The following PRKAG2 variants were observed in gnomAD, a reference collection of about 807,000 sequenced individuals.
PRKAG2 encodes protein kinase AMP-activated non-catalytic subunit gamma 2, also known as 5'-AMP-activated protein kinase subunit gamma-2.
PRKAG2 carries 26 observed loss-of-function variants against 69.6 expected under a neutral mutation model. The ratio of observed to expected loss-of-function variants is 0.37; its 90% CI spans 0.27 to 0.52. The LOEUF (loss-of-function observed/expected upper bound fraction) is 0.52, where lower values mean the gene tolerates loss of function less well. Ranked by LOEUF, PRKAG2 falls within the 20% of genes least tolerant of loss-of-function variation. The pLI, the probability that PRKAG2 is intolerant of heterozygous loss-of-function variation, is 0.90. For synonymous variants in PRKAG2, 293 were observed against 285.0 expected (o/e 1.03, Z -0.28); for missense variants, 557 against 740.0 (o/e 0.75, Z 2.87).
chr7:151,631,463 T>TTATTTACC (rs2151321032), intron 5 of PRKAG2, among the ~76,000 whole-genome samples: 1 of 152,110 alleles, frequency 6.6e-6, no homozygotes, highest in African/African-American at 2.4e-5. Flanking sequence ...AAGATCCAAG[T>TTATTTACC]TATTTACCTG....
At chr7:151,639,660 C>G (rs1213491124) in intron 4 of PRKAG2, among the ~76,000 whole-genome samples, 1 of 152,252 alleles carries the variant, frequency 6.6e-6, no homozygotes, top group Non-Finnish European at 1.5e-5. Flanking sequence ...TGCCTTGACA[C>G]TGGGACTTAA....
chr7:151,600,088 CT>C (rs1815679657), intron 5 of PRKAG2, among the ~76,000 whole-genome samples: 1 of 152,150 alleles, frequency 6.6e-6, no homozygotes, highest in African/African-American at 2.4e-5. Flanking sequence ...TGAATTTGAA[CT>C]TGAAGCCTCT....
chr7:151,753,716 C>T (rs2074869129), intron 3 of PRKAG2, among the ~76,000 whole-genome samples: 1 of 152,024 alleles, frequency 6.6e-6, no homozygotes, highest in African/African-American at 2.4e-5. Flanking sequence ...CTCGCCCAGC[C>T]CTAAAGTGTT....
chr7:151,635,012 C>T (rs1160292453), intron 4 of PRKAG2, among the ~76,000 whole-genome samples: 4 of 150,968 alleles, frequency 2.6e-5, no homozygotes, highest in Admixed American at 6.6e-5. Flanking sequence ...CGCAGTGGAC[C>T]TATCTCAACT....
At chr7:151,705,537 C>A (rs912607257) in intron 3 of PRKAG2, among the ~76,000 whole-genome samples, 1 of 152,130 alleles carries the variant, frequency 6.6e-6, no homozygotes, top group Non-Finnish European at 1.5e-5. Flanking sequence ...GACAGACACT[C>A]CTTAGGGAGA....
chr7:151,833,306 T>G (rs1017546184), intron 1 of PRKAG2, among the ~76,000 whole-genome samples: 1 of 152,156 alleles, frequency 6.6e-6, no homozygotes, highest in African/African-American at 2.4e-5. Context: ...GCAAAGGCCC[T>G]GAGGCAGGGC....
intron 3 of PRKAG2, among the ~76,000 whole-genome samples, chr7:151,754,626 G>A (rs2074943941): frequency 6.6e-6 from 1 of 152,202 alleles, no homozygotes. Flanking sequence ...CAGACCCAGG[G>A]CCCTTTGTAC....
In PRKAG2 at chr7:151,614,437, G is replaced by GA. The variant is rs1038570814; in HGVS notation, c.754+17631dup. ...CACACAGGGGCTCACACAGGAGGCTGAAAAAATCAGGGCTGCGTGGACGCT... is the reference window on the plus strand; with the variant it reads ...CACACAGGGGCTCACACAGGAGGCTGAAAAAAATCAGGGCTGCGTGGACGCT... On this transcript the variant is annotated intron_variant, in intron 5 of 15. Coordinates refer to ENST00000287878, the MANE Select transcript of PRKAG2 (RefSeq NM_016203.4). The surrounding 1 kb of genome is among the most constrained non-coding windows in gnomAD (Gnocchi z 4.4). Among the ~76,000 whole-genome samples the GA allele has an allele frequency of 2.0e-5, 3 of 152,144 alleles. No homozygotes were observed. Among genetic ancestry groups the GA allele is most frequent in the Admixed American group, 1.3e-4 (2 of 15,278 alleles).
Position 151,594,591 on chromosome 7 carries a change from C to A in PRKAG2, c.864+754G>T, listed in dbSNP as rs182716636. ...GATTGCCCATTTTTGTGATTTTCTTCTTTTTTACCAATATTATTTCAAATT... is the reference window on the plus strand; with the variant it reads ...GATTGCCCATTTTTGTGATTTTCTTATTTTTTACCAATATTATTTCAAATT... On this transcript the variant is annotated intron_variant, in intron 6 of 15. Coordinates refer to ENST00000287878, the MANE Select transcript of PRKAG2 (RefSeq NM_016203.4). Among the ~76,000 whole-genome samples the A allele has an allele frequency of 2.3e-3, 348 of 152,222 alleles. 2 individuals carry two copies. Among genetic ancestry groups the A allele is most frequent in the African/African-American group, 7.9e-3 (327 of 41,542 alleles).
At chr7:151,674,267 T>C (rs1205871462) in intron 4 of PRKAG2, among the ~76,000 whole-genome samples, 1 of 152,174 alleles carries the variant, frequency 6.6e-6, no homozygotes, top group Non-Finnish European at 1.5e-5. Context: ...AAGGAAGAAC[T>C]CTCCCTAGAG....
intron 1 of PRKAG2, among the ~76,000 whole-genome samples, chr7:151,794,728 C>G (rs369392458): frequency 2.6e-5 from 4 of 152,242 alleles, no homozygotes; most frequent in Admixed American, 2.0e-4. Flanking sequence ...TGTCTTTATC[C>G]CGTTCCCAAG....
intron 3 of PRKAG2, among the ~76,000 whole-genome samples, chr7:151,768,138 G>A (rs2075835303): frequency 6.6e-6 from 1 of 152,182 alleles, no homozygotes; most frequent in Non-Finnish European, 1.5e-5. Flanking sequence ...GTTCTAGAAA[G>A]GAACTATATG....
intron 4 of PRKAG2, among the ~76,000 whole-genome samples, chr7:151,640,451 C>G (rs915124112): frequency 4.6e-5 from 7 of 152,160 alleles, no homozygotes; most frequent in African/African-American, 1.4e-4. Flanking sequence ...CTTGCCATGT[C>G]CCTCTGTGTA....
chr7:151,815,411 C>T (rs1329381480), intron 1 of PRKAG2, among the ~76,000 whole-genome samples: 1 of 152,122 alleles, frequency 6.6e-6, no homozygotes, highest in Non-Finnish European at 1.5e-5. Context: ...CAGACCCTTC[C>T]CCTCCTCACC....
chr7:151,634,358 T>C (rs907544731), intron 4 of PRKAG2, among the ~76,000 whole-genome samples: 42 of 152,176 alleles, frequency 2.8e-4, no homozygotes, highest in African/African-American at 7.7e-4. Context: ...AACTTAAAAC[T>C]ATGAAACTTT....
At chr7:151,561,195 G>T (rs1804871786) in intron 14 of PRKAG2, among the ~76,000 whole-genome samples, 2 of 152,168 alleles carry the variant, frequency 1.3e-5, no homozygotes, top group African/African-American at 4.8e-5. Flanking sequence ...TAAGAAAAAT[G>T]AGCTAGCTAT....
At chr7:151,811,415 G>A (rs1033261867) in intron 1 of PRKAG2, among the ~76,000 whole-genome samples, 5 of 152,260 alleles carry the variant, frequency 3.3e-5, no homozygotes, top group African/African-American at 1.2e-4. Context: ...CCCAGGCCAC[G>A]AGGCCTCTGG....
chr7:151,580,062 G>C (rs1213766298), intron 6 of PRKAG2, among the ~76,000 whole-genome samples: 1 of 152,190 alleles, frequency 6.6e-6, no homozygotes, highest in African/African-American at 2.4e-5. Flanking sequence ...ACTTAAGGGA[G>C]GCCAGGTGCA....
At chr7:151,856,367 C>T (rs771148795) in intron 1 of PRKAG2, among the ~76,000 whole-genome samples, 9 of 152,248 alleles carry the variant, frequency 5.9e-5, no homozygotes, top group South Asian at 2.1e-4. Context: ...GCCACGAGCA[C>T]GCTGGAGTGG....
Sources: allele counts gnomAD v4.1 joint callset (sites outside exome capture counted in the v4.1 genomes callset), GRCh38; gene constraint gnomAD v4.1.1; non-coding constraint Gnocchi (gnomAD v3.1); transcripts MANE v1.5; gene names NCBI Gene and HGNC (gene_info 2026-07-23, HGNC 2026-07-21).